Variants in PAMR1 observed in about 807,000 individuals in gnomAD.
PAMR1 encodes the protein inactive serine protease PAMR1.
Under a neutral mutation model 81.8 loss-of-function variants are expected in PAMR1, and 88 were observed. That is an observed-to-expected ratio of 1.08 (90% CI 0.91 to 1.28). The LOEUF (loss-of-function observed/expected upper bound fraction) is 1.28. Among genes scored for constraint, PAMR1 ranks in the 50% most tolerant of loss-of-function variants. PAMR1 has a pLI of 0.00. For synonymous variants in PAMR1, 336 were observed against 345.3 expected (o/e 0.97, Z 0.30); for missense variants, 935 against 919.7 (o/e 1.02, Z -0.21).
chr11:35,496,317 A>G (rs1304843868), intron 1 of PAMR1, among the ~76,000 whole-genome samples: 1 of 152,262 alleles, frequency 6.6e-6, no homozygotes, highest in African/African-American at 2.4e-5. Flanking sequence ...TTATCAAATA[A>G]GTGAAAAGAC....
chr11:35,456,681 A>G (rs1856539438), intron 6 of PAMR1, among the ~76,000 whole-genome samples: 1 of 152,202 alleles, frequency 6.6e-6, no homozygotes, highest in South Asian at 2.1e-4. Context: ...GCACTTCTTT[A>G]TGATAGGAGC....
At chr11:35,436,209 C>A in intron 8 of PAMR1, 74 bp from the exon 9 acceptor site, 1 of 857,878 alleles carries the variant, frequency 1.2e-6, no homozygotes, top group Non-Finnish European at 2.0e-6. Flanking sequence ...AGCATTCATG[C>A]CATGTCCCAT....
chr11:35,518,051 G>A (rs1219965402), intron 1 of PAMR1, among the ~76,000 whole-genome samples: 10 of 152,092 alleles, frequency 6.6e-5, no homozygotes, highest in Admixed American at 2.6e-4. Flanking sequence ...TCATTTCCAC[G>A]AGGGCTTGAG....
chr11:35,494,632 C>T (rs1188623692), intron 1 of PAMR1, among the ~76,000 whole-genome samples: 1 of 151,908 alleles, frequency 6.6e-6, no homozygotes. Flanking sequence ...CGCACCCGGC[C>T]CAGGGAGTGG....
intron 1 of PAMR1, 89 bp from the exon 2 acceptor site, chr11:35,494,361 T>G: frequency 8.7e-7 from 1 of 1,143,948 alleles, no homozygotes; most frequent in Non-Finnish European, 1.3e-6. Context: ...TGAGACGGAG[T>G]CTTGCTCTGT....
At chr11:35,483,660 T>G (rs1850443074) in intron 3 of PAMR1, among the ~76,000 whole-genome samples, 1 of 152,170 alleles carries the variant, frequency 6.6e-6, no homozygotes, top group Non-Finnish European at 1.5e-5. Context: ...CTCTGGAGTT[T>G]AAATTCTTTT....
At chr11:35,519,495 T>C (rs1032348761) in intron 1 of PAMR1, among the ~76,000 whole-genome samples, 5 of 152,202 alleles carry the variant, frequency 3.3e-5, no homozygotes, top group Non-Finnish European at 7.3e-5. Context: ...ATTTGGATGA[T>C]AAAAATTTAC....
At chr11:35,457,964 A>G (rs1056504192) in intron 6 of PAMR1, among the ~76,000 whole-genome samples, 1 of 152,110 alleles carries the variant, frequency 6.6e-6, no homozygotes, top group Admixed American at 6.6e-5. Flanking sequence ...TTGCCCACCT[A>G]TAGGAGCCTG....
intron 1 of PAMR1, among the ~76,000 whole-genome samples, chr11:35,507,496 A>T (rs1478036654): frequency 6.6e-6 from 1 of 152,084 alleles, no homozygotes; most frequent in Non-Finnish European, 1.5e-5. Context: ...CTCTTTGTGA[A>T]ATTTTTCTGA....
intron 9 of PAMR1, among the ~76,000 whole-genome samples, chr11:35,435,242 T>A (rs961279373): frequency 1.3e-5 from 2 of 152,236 alleles, no homozygotes; most frequent in Admixed American, 1.3e-4. Flanking sequence ...TTGTTCTCCT[T>A]TCGCAAAGAG....
intron 1 of PAMR1, among the ~76,000 whole-genome samples, chr11:35,495,900 T>C (rs1386423046): frequency 1.3e-5 from 2 of 152,234 alleles, no homozygotes; most frequent in Admixed American, 1.3e-4. Flanking sequence ...TAAATTTAGT[T>C]TCATGAAAAT....
At chr11:35,465,926 T>C (rs1856747332) in intron 6 of PAMR1, among the ~76,000 whole-genome samples, 1 of 152,256 alleles carries the variant, frequency 6.6e-6, no homozygotes, top group South Asian at 2.1e-4. Context: ...GGAATAACAA[T>C]GCTGAGGAAT....
rs1856164369 is a variant in PAMR1 at position 35,441,497 on chromosome 11, C to T, written c.1017G>A (p.Gln339=). The T allele has an allele frequency of 1.2e-6, 2 of 1,611,586 alleles. No individual in the cohort carries two copies. Among genetic ancestry groups the T allele is most frequent in the Admixed American group, 1.7e-5 (1 of 60,016 alleles). The change falls in exon 7 of 11, where the codon CAG becomes CAA. Residue 339 remains glutamine (Q), a synonymous_variant. Transcript: ENST00000619888. The part of the protein sequence containing the change: ...CQQNGEWSGK[Q]PICIKACREP... ...GTAAGTTACCTTTTATGCAGATGGG[C>T]TGTTTCCCTGACCACTCTCCATTCT...
At chr11:35,449,120 G>A (rs745683783) in intron 6 of PAMR1, among the ~76,000 whole-genome samples, 8 of 152,236 alleles carry the variant, frequency 5.3e-5, no homozygotes, top group Non-Finnish European at 1.0e-4. Flanking sequence ...CAGGAGGCAC[G>A]ATCAGGGACC....
chr11:35,494,200 T>C lies in PAMR1; in HGVS notation c.146A>G (p.Asp49Gly), dbSNP rs760187160. 3 of 1,613,992 alleles carry C rather than the reference T, an allele frequency of 1.9e-6. No individual in the cohort carries two copies. The South Asian group carries it at 3.3e-5, about 18-fold the overall frequency. Residue 49 changes from aspartate (D) to glycine (G), a missense_variant, in exon 2 of 11, where the codon GAT becomes GGT. Asp to Gly is a moderately conservative substitution (Grantham distance 94). Transcript: ENST00000619888. Reference sequence around the variant, plus strand: ...TCCGGGGCAGACGCACTCAATCTGATCATATTCACAGCACTCCCGACACAT... The same window carrying C: ...TCCGGGGCAGACGCACTCAATCTGACCATATTCACAGCACTCCCGACACAT... ...NIMCRECCEY[D>G]QIECVCPGKR... is the part of the protein sequence containing the mutation.
At chr11:35,491,973 T>A in intron 3 of PAMR1, 72 bp downstream of exon 3, 1 of 1,328,076 alleles carries the variant, frequency 7.5e-7, no homozygotes, top group Non-Finnish European at 1.0e-6. Flanking sequence ...AGGAGATAAA[T>A]TTTGGTCCAT....
At position 35,525,520 on chromosome 11, in the gene PAMR1, C is replaced by T. The variant is rs1224142205; in HGVS notation, c.66G>A (p.Leu22=). 6.2e-7 allele frequency: 1 copy of T among 1,613,844 alleles called. No individual in the cohort carries two copies. The highest frequency in any genetic ancestry group is 1.3e-5 in the African/African-American group (1 of 75,046). ...GGACGCTACTCACAGTACCTCTTGG[C>T]AAGGACGAGATGAGAAGGAGCTGAA... ...TFLQLLLISS[L]PREYTVINEA... is the part of the protein sequence containing the mutation. The change falls in exon 1 of 11, where the codon TTG becomes TTA. Residue 22 remains leucine, a synonymous_variant. Transcript: ENST00000619888.
chr11:35,495,021 A>G (rs2135402772), intron 1 of PAMR1, among the ~76,000 whole-genome samples: 1 of 152,350 alleles, frequency 6.6e-6, no homozygotes, highest in South Asian at 2.1e-4. Flanking sequence ...GCACAGATCC[A>G]TAGCGAGCCA....
At chr11:35,527,291 A>G (rs1209347819), upstream of PAMR1, among the ~76,000 whole-genome samples, 1 of 152,216 alleles carries the variant, frequency 6.6e-6, no homozygotes, top group Non-Finnish European at 1.5e-5. Flanking sequence ...AATGGAAATA[A>G]TAATCAAACC....
Sources: gnomAD v4.1 joint callset for allele counts (sites outside exome capture counted in the v4.1 genomes callset) on GRCh38, gnomAD v4.1.1 for gene constraint, MANE v1.5 for transcripts, NCBI Gene and HGNC (gene_info 2026-07-23, HGNC 2026-07-21) for gene names.